MRPL21: variants seen among roughly 807,000 people sequenced by gnomAD.
MRPL21 encodes the protein mitochondrial ribosomal protein L21.
MRPL21 carries 20 observed loss-of-function variants against 27.3 expected under a neutral mutation model. That is an observed-to-expected ratio of 0.73 (90% CI 0.52 to 1.06). The LOEUF (loss-of-function observed/expected upper bound fraction) is 1.06, where lower values mean the gene tolerates loss of function less well. Among genes scored for constraint, MRPL21 ranks in the 50% least tolerant of loss-of-function variants. The probability of loss-of-function intolerance (pLI) is 0.00; values close to 1 mark genes in which losing one functional copy is unlikely to be tolerated. For synonymous variants in MRPL21, 98 were observed against 101.5 expected (o/e 0.97, Z 0.21); for missense variants, 249 against 251.4 (o/e 0.99, Z 0.06).
intron 4 of MRPL21, among the ~76,000 whole-genome samples, chr11:68,894,835 T>G (rs1857746770): frequency 6.6e-6 from 1 of 152,270 alleles, no homozygotes; most frequent in Non-Finnish European, 1.5e-5. Context: ...TTTTTGTTAA[T>G]GTGAAATGTT....
At chr11:68,898,783 T>C (rs139630751) in intron 2 of MRPL21, among the ~76,000 whole-genome samples, 1 of 151,956 alleles carries the variant, frequency 6.6e-6, no homozygotes, top group East Asian at 1.9e-4. Flanking sequence ...CCAAGCTTGG[T>C]GCGGGCAATG....
intron 3 of MRPL21, among the ~76,000 whole-genome samples, chr11:68,897,036 G>C (rs1198326564): frequency 6.6e-6 from 1 of 152,166 alleles, no homozygotes; most frequent in Non-Finnish European, 1.5e-5. Context: ...CCCTCCACCT[G>C]GTTCATTCTC....
At position 68,896,972 on chromosome 11, in the gene MRPL21, G is replaced by A. The variant is rs139594934; in HGVS notation, c.233-294C>T. On this transcript the variant is annotated intron_variant, in intron 3 of 6. Transcript: ENST00000362034. ...CCAAACCGCCTCATGCAACTCCCTCGCCTAAGCACTCGGCACGCCTGGCTA... is the reference window on the plus strand; with the variant it reads ...CCAAACCGCCTCATGCAACTCCCTCACCTAAGCACTCGGCACGCCTGGCTA... The A allele has an allele frequency of 6.1e-4, 284 of 466,388 alleles. 3 individuals carry two copies. The highest frequency in any genetic ancestry group is 2.3e-3 in the South Asian group (71 of 31,226). 28.9% of individuals were successfully genotyped at this position (466,388 alleles called of 1,614,324 possible). A position where few individuals can be genotyped will look rare whatever the true frequency, so the allele number is the denominator to read the frequency against.
At chr11:68,895,166 A>G (rs1857755841) in intron 4 of MRPL21, among the ~76,000 whole-genome samples, 1 of 152,170 alleles carries the variant, frequency 6.6e-6, no homozygotes, top group Non-Finnish European at 1.5e-5. Flanking sequence ...CAGGAGGCTG[A>G]GGCAGGAGAA....
chr11:68,900,926 G>A (rs1857919122), intron 1 of MRPL21, among the ~76,000 whole-genome samples: 1 of 152,364 alleles, frequency 6.6e-6, no homozygotes, highest in East Asian at 1.9e-4. Context: ...CCTCCAAGAT[G>A]GCCCTGCTGG....
In MRPL21 at chr11:68,893,813, C is replaced by T. The variant is rs1046507136; in HGVS notation, c.397-358G>A. Among the ~76,000 whole-genome samples the T allele has an allele frequency of 3.2e-3, 491 of 152,308 alleles. 16 individuals are homozygous for T. The highest frequency in any genetic ancestry group is 4.7e-4 in the Non-Finnish European group (32 of 68,030). ...CTCCGGCCAGGTGCGGTGGCTCATG[C>T]CTGTAATCCCAGCACTTTGGGAGGC... On this transcript the variant is annotated intron_variant, in intron 4 of 6. Transcript: ENST00000362034.
intron 6 of MRPL21, chr11:68,892,019 C>T (rs750413482): frequency 2.0e-5 from 23 of 1,129,746 alleles, no homozygotes; most frequent in African/African-American, 3.2e-5. Context: ...CAGTGCTAGG[C>T]GTCATGGGTT....
At chr11:68,893,018 AATGTACCT>A (rs1416799416) in intron 5 of MRPL21, 25 bp from the exon 6 acceptor site, 2 of 1,529,898 alleles carry the variant, frequency 1.3e-6, no homozygotes, top group East Asian at 4.5e-5. Flanking sequence ...AATCAACAAT[AATGTACCT>A]TTTGGATTAT....
chr11:68,894,351 G>C (rs1032695171), intron 4 of MRPL21, among the ~76,000 whole-genome samples: 9 of 152,156 alleles, frequency 5.9e-5, no homozygotes, highest in African/African-American at 2.2e-4. Flanking sequence ...CGTGATCTTG[G>C]CTTGCTGCAA....
At chr11:68,893,270 A>G in intron 5 of MRPL21, 133 bp downstream of exon 5, 1 of 1,494,836 alleles carries the variant, frequency 6.7e-7, no homozygotes, top group Admixed American at 2.4e-5. Flanking sequence ...ACTATTATTA[A>G]GTATAAATGT....
Position 68,903,386 on chromosome 11 carries a change from G to A in MRPL21, c.88+337C>T, listed in dbSNP as rs138805604. On this transcript the variant is annotated intron_variant, in intron 1 of 6. Transcript: ENST00000362034. Reference sequence around the variant, plus strand: ...GCCTGGGGGCAGTGGTTCAAGCACAGGCTTTGGAGCCGAAATGACTGCGCC... The same window carrying A: ...GCCTGGGGGCAGTGGTTCAAGCACAAGCTTTGGAGCCGAAATGACTGCGCC... Among the ~76,000 whole-genome samples, 361 of 152,312 alleles carry A rather than the reference G, an allele frequency of 2.4e-3. 2 individuals are homozygous for A. Among genetic ancestry groups the A allele is most frequent in the African/African-American group, 8.4e-3 (347 of 41,554 alleles).
At chr11:68,893,561 G>C in intron 4 of MRPL21, 106 bp from the exon 5 acceptor site, 1 of 1,395,630 alleles carries the variant, frequency 7.2e-7, no homozygotes, top group Non-Finnish European at 1.0e-6. Flanking sequence ...GAGAAAGACT[G>C]AAAACATTGT....
rs571171134 is a variant in MRPL21 at position 68,893,890 on chromosome 11, G to A, written c.397-435C>T. On this transcript the variant is annotated intron_variant, in intron 4 of 6. Coordinates refer to ENST00000362034, the MANE Select transcript of MRPL21 (RefSeq NM_181514.2). ...AGATGGAGACCATCCTGGCTAACACGGTGAAATTAGTCTCTACTAAAAAAA... is the reference window on the plus strand; with the variant it reads ...AGATGGAGACCATCCTGGCTAACACAGTGAAATTAGTCTCTACTAAAAAAA... 1.1e-4 allele frequency among the ~76,000 whole-genome samples: 17 copies of A among 152,182 alleles called. 1 individual carries two copies. The South Asian group carries it at 3.3e-3, about 30-fold the overall frequency.
chr11:68,901,804 C>T (rs903391138), intron 1 of MRPL21, among the ~76,000 whole-genome samples: 14 of 152,322 alleles, frequency 9.2e-5, no homozygotes, highest in South Asian at 8.3e-4. Flanking sequence ...CTTAGCCACT[C>T]GTGTCTGACG....
chr11:68,902,845 ACTGTCTC>A (rs1857996437), intron 1 of MRPL21, among the ~76,000 whole-genome samples: 1 of 151,086 alleles, frequency 6.6e-6, no homozygotes, highest in African/African-American at 2.4e-5. Context: ...GTAACTTTTT[ACTGTCTC>A]CTTAGATTTG....
At position 68,896,682 on chromosome 11, in the gene MRPL21, C is replaced by G. The variant is rs371731343; in HGVS notation, c.233-4G>C. 1 of 1,613,242 alleles carries G rather than the reference C, an allele frequency of 6.2e-7. No individual in the cohort carries two copies. The highest frequency in any genetic ancestry group is 8.5e-7 in the Non-Finnish European group (1 of 1,179,796). On this transcript the variant is annotated splice_polypyrimidine_tract_variant and splice_region_variant and intron_variant, in intron 3 of 6. Coordinates refer to ENST00000362034, the MANE Select transcript of MRPL21 (RefSeq NM_181514.2). The stretch of plus-strand genomic sequence containing the variant: ...TCATTCACCTTCTTCACGACCTCTG[C>G]AGGGGAAGGCGGGTGGGTGGGCAGT...
Position 68,898,028 on chromosome 11 carries a change from C to T in MRPL21, c.147-16G>A, listed in dbSNP as rs758882739. The T allele has an allele frequency of 5.0e-6, 8 of 1,602,242 alleles. No individual in the cohort carries two copies. The highest frequency in any genetic ancestry group is 1.3e-5 in the African/African-American group (1 of 74,700). On this transcript the variant is annotated splice_polypyrimidine_tract_variant and intron_variant, in intron 2 of 6. Transcript: ENST00000362034. Reference sequence around the variant, plus strand: ...AGGAACATATCTGTAAAACACATTTCGTAGACAAATGTCACAAGCACCTGA... The same window carrying T: ...AGGAACATATCTGTAAAACACATTTTGTAGACAAATGTCACAAGCACCTGA...
chr11:68,898,030 T>C lies in MRPL21; in HGVS notation c.147-18A>G. On this transcript the variant is annotated intron_variant, in intron 2 of 6. Transcript: ENST00000362034. ...GAACATATCTGTAAAACACATTTCG[T>C]AGACAAATGTCACAAGCACCTGAAA... 1 of 1,597,440 alleles carries C rather than the reference T, an allele frequency of 6.3e-7. No individual in the cohort carries two copies. The highest frequency in any genetic ancestry group is 8.6e-7 in the Non-Finnish European group (1 of 1,164,910).
rs375378810 is a variant in MRPL21, at chr11:68,896,342, T to A, written c.396+173A>T. On this transcript the variant is annotated intron_variant, in intron 4 of 6. Coordinates refer to ENST00000362034, the MANE Select transcript of MRPL21 (RefSeq NM_181514.2). ...GAGCAGTGGAAGCCTGCCCTGCCCT[T>A]GGACCCCAGCCCCGCCGTGGGCGCC... is the stretch of plus-strand genomic sequence containing the variant. The A allele has an allele frequency of 1.9e-5, 15 of 786,934 alleles. No individual in the cohort carries two copies. The East Asian group carries it at 3.3e-4, about 17-fold the overall frequency. 48.7% of individuals were successfully genotyped at this position (786,934 alleles called of 1,614,324 possible).
Sources: gnomAD v4.1 joint callset for allele counts (sites outside exome capture counted in the v4.1 genomes callset) on GRCh38, gnomAD v4.1.1 for gene constraint, MANE v1.5 for transcripts, NCBI Gene and HGNC (gene_info 2026-07-23, HGNC 2026-07-21) for gene names.